The following WDR45 variants were observed in gnomAD, a reference collection of about 807,000 sequenced individuals.
WDR45 encodes the protein WD repeat domain 45.
In WDR45, 2 loss-of-function variants were observed where a neutral mutation model predicts 27.3. That is an observed-to-expected ratio of 0.07 (90% confidence interval 0.03 to 0.23). WDR45 has a LOEUF of 0.23. Among genes scored for constraint, WDR45 ranks in the 10% least tolerant of loss-of-function variants. The pLI is 1.00. For missense variants in WDR45, 175 were observed against 311.9 expected (o/e 0.56, Z 3.31); for synonymous variants, 99 against 119.2 (o/e 0.83, Z 1.11).
chrX:49,090,091 G>C (rs1243962104), intron 2 of WDR45, among the ~76,000 whole-genome samples: 1 of 110,254 alleles, frequency 9.1e-6, no homozygotes, highest in Non-Finnish European at 1.9e-5. Flanking sequence ...TTTGAGACAG[G>C]AGTCTGACTC....
rs781979357 is a variant in WDR45 at position 49,074,841 on chromosome X, C to T, written c.1045G>A (p.Asp349Asn). ...PDGNCNREAF[D>N]VYLDICDDDD... Reference sequence around the variant, plus strand: ...TCATCACAGATGTCAAGGTACACGTCGAAAGCCTCTCTGTTGCAGTTTCCA... The same window carrying T: ...TCATCACAGATGTCAAGGTACACGTTGAAAGCCTCTCTGTTGCAGTTTCCA... Residue 349 changes from aspartate to asparagine, a missense_variant, in exon 11 of 11, where the codon GAC becomes AAC. Coordinates refer to ENST00000376372, the MANE Select transcript of WDR45 (RefSeq NM_001029896.2). 8.3e-7 allele frequency: 1 copy of T among 1,209,932 alleles called. No individual in the cohort carries two copies. Among genetic ancestry groups the T allele is most frequent in the Non-Finnish European group, 1.1e-6 (1 of 895,017 alleles).
intron 2 of WDR45, among the ~76,000 whole-genome samples, chrX:49,096,196 C>T (rs1051901535): frequency 9.0e-6 from 1 of 111,166 alleles, no homozygotes; most frequent in African/African-American, 3.3e-5. Context: ...TTGGCATCTT[C>T]CCCCAAGTCC....
chrX:49,088,422 C>T (rs782285297), intron 2 of WDR45, among the ~76,000 whole-genome samples: 1 of 110,975 alleles, frequency 9.0e-6, no homozygotes, highest in Non-Finnish European at 1.9e-5. Context: ...ACAACAACAA[C>T]GAAGAGAACC....
chrX:49,096,829 C>A (rs2065127091), intron 2 of WDR45, among the ~76,000 whole-genome samples: 1 of 112,133 alleles, frequency 8.9e-6, no homozygotes, highest in African/African-American at 3.2e-5. Flanking sequence ...TATCGGCTCA[C>A]TACAACCTCC....
intron 2 of WDR45, among the ~76,000 whole-genome samples, chrX:49,089,702 G>C (rs1320549956): frequency 1.9e-5 from 2 of 106,023 alleles, no homozygotes; most frequent in Non-Finnish European, 3.9e-5. Flanking sequence ...CAGGAAGATC[G>C]CTTGAGCCTA....
rs1557083897 is a variant in WDR45, at chrX:49,075,238, C to T, written c.871G>A (p.Val291Met). The stretch of plus-strand genomic sequence containing the variant: ...CTCGCCAGGCTCCACTGAGAGTCCA[C>T]GTACTGCCCAATCATAGGCCCCACC... Reference protein sequence around the residue: ...GKVGPMIGQYVDSQWSLASFT... With the variant: ...GKVGPMIGQYMDSQWSLASFT... Residue 291 changes from valine to methionine, a missense_variant, in exon 10 of 11, where the codon GTG (valine) becomes ATG (methionine). Physicochemically the swap from Val to Met is conservative, Grantham distance 21. Coordinates refer to ENST00000376372, the MANE Select transcript of WDR45 (RefSeq NM_001029896.2). 3 of 1,211,836 alleles carry T rather than the reference C, an allele frequency of 2.5e-6. No homozygotes were observed. The highest frequency in any genetic ancestry group is 3.4e-6 in the Non-Finnish European group (3 of 895,401).
intron 2 of WDR45, among the ~76,000 whole-genome samples, chrX:49,094,298 G>A (rs1046697108): frequency 9.0e-6 from 1 of 110,654 alleles, no homozygotes; most frequent in Admixed American, 9.7e-5. Context: ...GCAAAATCCC[G>A]TCTTTACTAA....
chrX:49,078,851 G>A (rs2065053061), intron 1 of WDR45, among the ~76,000 whole-genome samples: 1 of 112,319 alleles, frequency 8.9e-6, no homozygotes, highest in African/African-American at 3.2e-5. Flanking sequence ...GACAAAAGTG[G>A]GCTAGGAGAT....
chrX:49,078,058 C>T lies in WDR45; in HGVS notation c.38G>A (p.Arg13His), dbSNP rs201177026. 1.0e-4 allele frequency: 125 copies of T among 1,210,712 alleles called. 1 individual carries two copies. Among genetic ancestry groups the T allele is most frequent in the African/African-American group, 1.0e-4 (6 of 57,465 alleles). Residue 13 changes from arginine to histidine, a missense_variant, in exon 2 of 11, where the codon CGT becomes CAT. Transcript: ENST00000376372. ...TCTCTCACTTTGGTCTTGGTTGAAA[C>T]GCAGGCTGGTCACTCCTCGAAGTGG... ...QQPLRGVTSL[R>H]FNQDQSCFCC...
At chrX:49,091,417 G>A (rs976445157) in intron 2 of WDR45, among the ~76,000 whole-genome samples, 1 of 109,426 alleles carries the variant, frequency 9.1e-6, no homozygotes, top group Non-Finnish European at 1.9e-5. Context: ...CTCCAGCCTG[G>A]GCGACAGAGC....
chrX:49,097,706 G>T (rs1197971124), intron 2 of WDR45, among the ~76,000 whole-genome samples: 2 of 107,454 alleles, frequency 1.9e-5, no homozygotes, highest in Non-Finnish European at 3.8e-5. Context: ...GCCCAGGCTG[G>T]AGTACAATGG....
At chrX:49,076,224 T>G (rs2065036416) in intron 6 of WDR45, 1 of 493,433 alleles carries the variant, frequency 2.0e-6, no homozygotes, top group Non-Finnish European at 3.4e-6. Context: ...GCTCTGCCAC[T>G]GGGGTACCCA....
At chrX:49,087,051 G>GT (rs1265269788) in intron 2 of WDR45, among the ~76,000 whole-genome samples, 2,620 of 98,944 alleles carry the variant, frequency 0.026, 45 homozygotes, top group Non-Finnish European at 0.041. Flanking sequence ...TTTGTTTTTT[G>GT]TTTTTTTTTT....
chrX:49,084,459 G>A (rs2065079933), upstream of WDR45, among the ~76,000 whole-genome samples: 1 of 109,110 alleles, frequency 9.2e-6, no homozygotes, highest in Non-Finnish European at 1.9e-5. Context: ...GGGAAGCTGA[G>A]GTGGGAGGAT....
intron 2 of WDR45, among the ~76,000 whole-genome samples, chrX:49,091,719 G>A (rs1486736957): frequency 2.9e-5 from 2 of 68,759 alleles, no homozygotes; most frequent in East Asian, 5.8e-4. Context: ...ACTGCAGTCC[G>A]CAGTCCGACC....
Position 49,075,693 on chromosome X carries a change from T to C in WDR45, c.577A>G (p.Ser193Gly). 2 of 1,210,975 alleles carry C rather than the reference T, an allele frequency of 1.7e-6. No individual in the cohort carries two copies. Among genetic ancestry groups the C allele is most frequent in the South Asian group, 3.5e-5 (2 of 56,862 alleles). Residue 193 changes from serine (S) to glycine (G), a missense_variant, in exon 8 of 11, where the codon AGT becomes GGT. Around this residue, in one of 3 missense-constraint regions of WDR45, gnomAD observed 102 missense variants for 165.4 expected, o/e 0.62. Transcript: ENST00000376372. ...TTTAGAGACACACAGGCTATGTCAC[T>C]CTGATGTGCATTGATCGTGAATGGA... ...SAPFTINAHQ[S>G]DIACVSLNQP...
chrX:49,084,362 T>G (rs1195738697), upstream of WDR45, among the ~76,000 whole-genome samples: 1 of 108,495 alleles, frequency 9.2e-6, no homozygotes, highest in Non-Finnish European at 1.9e-5. Flanking sequence ...TTCCCCTCCA[T>G]TTTCATTGGC....
chrX:49,094,196 C>T (rs782243258), intron 2 of WDR45, among the ~76,000 whole-genome samples: 12 of 110,831 alleles, frequency 1.1e-4, no homozygotes, highest in East Asian at 8.6e-4. Context: ...GGGTCAGGTG[C>T]GGTGGCTCAC....
chrX:49,083,546 A>G (rs1359550958), upstream of WDR45, among the ~76,000 whole-genome samples: 1 of 110,058 alleles, frequency 9.1e-6, no homozygotes, highest in African/African-American at 3.3e-5. Context: ...GACCTGTTTG[A>G]CATTCATGTG....
Sources: gnomAD v4.1 joint callset for allele counts (sites outside exome capture counted in the v4.1 genomes callset) on GRCh38, gnomAD v4.1.1 for gene constraint, gnomAD v4.1.1 regional missense constraint, MANE v1.5 for transcripts, NCBI Gene and HGNC (gene_info 2026-07-23, HGNC 2026-07-21) for gene names.